TSHR: variants seen among roughly 807,000 people sequenced by gnomAD.
TSHR encodes the protein thyroid stimulating hormone receptor.
A neutral mutation model predicts 64.1 loss-of-function variants in TSHR; 51 were observed. The observed-to-expected ratio is 0.80, with a 90% CI of 0.64 to 1.01. TSHR has a LOEUF of 1.01. TSHR is among the 50% of genes least tolerant of loss of function. The pLI is 0.00. For synonymous variants in TSHR, 361 were observed against 361.9 expected, an observed-to-expected ratio of 1.00 and a Z score of 0.03; for missense variants, 877 against 942.8, an observed-to-expected ratio of 0.93 and a Z score of 0.91.
chr14:81,091,409 G>A (rs1402224064), intron 5 of TSHR, among the ~76,000 whole-genome samples: 1 of 152,166 alleles, frequency 6.6e-6, no homozygotes, highest in Non-Finnish European at 1.5e-5. Context: ...TGGGTAGACA[G>A]AATTAGAAAG....
chr14:81,010,286 A>T (rs2139775473), intron 1 of TSHR, among the ~76,000 whole-genome samples: 1 of 152,208 alleles, frequency 6.6e-6, no homozygotes, highest in South Asian at 2.1e-4. Flanking sequence ...TTAACTTTTT[A>T]AATATGTATT....
chr14:80,995,374 A>T (rs971627619), intron 1 of TSHR: 3 of 152,148 alleles, frequency 2.0e-5, no homozygotes, highest in Non-Finnish European at 2.9e-5. Flanking sequence ...ATAAAGACAC[A>T]TGTGTATGTT....
chr14:80,970,470 C>T (rs2139701171), intron 1 of TSHR, among the ~76,000 whole-genome samples: 1 of 152,282 alleles, frequency 6.6e-6, no homozygotes, highest in East Asian at 1.9e-4. Context: ...GTATTTCTGT[C>T]CTTCAGAAGG....
rs1889064459 is a variant in TSHR, at chr14:80,997,136, G to A, written c.170+41286G>A. Among the ~76,000 whole-genome samples, 4 of 152,116 alleles carry A rather than the reference G, an allele frequency of 2.6e-5. No homozygotes were observed. The South Asian group carries it at 6.2e-4, about 24-fold the overall frequency. On this transcript the variant is annotated intron_variant, in intron 1 of 9. Transcript: ENST00000298171. Reference sequence around the variant, plus strand: ...CCATTTTACAGAAGAGGAACTGGAGGCTTAAAGAAGTTGAAGAACTCAACC... The same window carrying A: ...CCATTTTACAGAAGAGGAACTGGAGACTTAAAGAAGTTGAAGAACTCAACC...
In TSHR at chr14:81,143,294, G is replaced by C; in HGVS notation, c.1236G>C (p.Met412Ile). 6.2e-7 allele frequency: 1 copy of C among 1,614,144 alleles called. No individual in the cohort carries two copies. Among genetic ancestry groups the C allele is most frequent in the South Asian group, 1.1e-5 (1 of 91,068 alleles). ...SDEFNPCEDI[M>I]GYKFLRIVVW... ...AGTTCAACCCGTGTGAAGACATAAT[G>C]GGCTACAAGTTCCTGAGAATTGTGG... The change falls in exon 10 of 10, where the codon ATG (methionine) becomes ATC (isoleucine). Residue 412 changes from methionine (M) to isoleucine (I), a missense_variant. By Grantham distance (10) the Met-to-Ile change is conservative. Coordinates refer to ENST00000298171, the MANE Select transcript of TSHR (RefSeq NM_000369.5).
chr14:80,988,932 G>C (rs142451261), intron 1 of TSHR, among the ~76,000 whole-genome samples: 6 of 152,154 alleles, frequency 3.9e-5, no homozygotes, highest in African/African-American at 1.4e-4. Flanking sequence ...AGACCTATGA[G>C]TCACTCACAG....
At chr14:81,097,372 T>C (rs1038171583) in intron 7 of TSHR, among the ~76,000 whole-genome samples, 2 of 152,220 alleles carry the variant, frequency 1.3e-5, no homozygotes, top group Non-Finnish European at 2.9e-5. Context: ...TAATTTTATG[T>C]TCCAGAAATG....
chr14:81,057,141 T>A (rs1309557710), intron 1 of TSHR, among the ~76,000 whole-genome samples: 1 of 152,242 alleles, frequency 6.6e-6, no homozygotes, highest in Non-Finnish European at 1.5e-5. Flanking sequence ...CTGGGTGCAG[T>A]GGCTCACACC....
chr14:81,045,141 G>T (rs1885115479), intron 1 of TSHR, among the ~76,000 whole-genome samples: 1 of 152,156 alleles, frequency 6.6e-6, no homozygotes. Flanking sequence ...TCAAACTGAT[G>T]CAGGAAGAGA....
chr14:81,118,270 G>C (rs1348490689), intron 8 of TSHR, among the ~76,000 whole-genome samples: 284 of 83,678 alleles, frequency 3.4e-3, no homozygotes, highest in South Asian at 8.3e-3. Context: ...TGTATATCTA[G>C]AAAACCCCAT....
At chr14:81,044,512 T>G (rs112548722) in intron 1 of TSHR, among the ~76,000 whole-genome samples, 37,228 of 151,762 alleles carry the variant, frequency 0.25, 4,684 homozygotes, top group South Asian at 0.33. Context: ...CAAAAAATTA[T>G]CCAGGTGTGG....
At chr14:81,082,617 C>CG (rs1555378617) in intron 3 of TSHR, among the ~76,000 whole-genome samples, 1 of 151,948 alleles carries the variant, frequency 6.6e-6, no homozygotes, top group Non-Finnish European at 1.5e-5. Context: ...TAAAAGTAAA[C>CG]GGGAAAAAAA....
chr14:81,072,181 T>A (rs1292443070), intron 3 of TSHR, among the ~76,000 whole-genome samples: 1 of 152,236 alleles, frequency 6.6e-6, no homozygotes, highest in Non-Finnish European at 1.5e-5. Flanking sequence ...GTTAATATAC[T>A]ATGGTAACTG....
At chr14:81,026,056 G>A (rs1194440370) in intron 1 of TSHR, among the ~76,000 whole-genome samples, 3 of 152,204 alleles carry the variant, frequency 2.0e-5, no homozygotes, top group Non-Finnish European at 4.4e-5. Flanking sequence ...TGCAGGGGAT[G>A]TGATGACAAA....
intron 7 of TSHR, 160 bp from the exon 8 acceptor site, chr14:81,108,215 G>T: frequency 1.5e-6 from 1 of 652,636 alleles, no homozygotes. Context: ...AACCTAGAAT[G>T]TTTTAAGTGC....
chr14:80,974,044 T>C (rs1406803382), intron 1 of TSHR, among the ~76,000 whole-genome samples: 1 of 152,038 alleles, frequency 6.6e-6, no homozygotes, highest in Non-Finnish European at 1.5e-5. Flanking sequence ...CCACAATGAG[T>C]GATTATACGG....
At chr14:80,955,943 C>T (rs1886652796) in intron 1 of TSHR, 93 bp downstream of exon 1, 2 of 1,472,124 alleles carry the variant, frequency 1.4e-6, no homozygotes, top group African/African-American at 1.4e-5. Flanking sequence ...AATAACAGCC[C>T]GAAGTAGTGT....
At chr14:81,015,545 A>G (rs1890137045) in intron 1 of TSHR, among the ~76,000 whole-genome samples, 1 of 152,138 alleles carries the variant, frequency 6.6e-6, no homozygotes, top group African/African-American at 2.4e-5. Flanking sequence ...GTACAACGTG[A>G]TGCTTTGAAA....
chr14:81,041,684 T>G (rs1024483321), intron 1 of TSHR, among the ~76,000 whole-genome samples: 2 of 151,954 alleles, frequency 1.3e-5, no homozygotes, highest in Admixed American at 6.6e-5. Context: ...AAAGAAAAAT[T>G]TTGGTCAATG....
Sources: allele counts gnomAD v4.1 joint callset (sites outside exome capture counted in the v4.1 genomes callset), GRCh38; gene constraint gnomAD v4.1.1; transcripts MANE v1.5; gene names NCBI Gene and HGNC (gene_info 2026-07-23, HGNC 2026-07-21).